Variants in SLC5A5 observed in about 807,000 individuals in gnomAD.
SLC5A5 encodes the protein solute carrier family 5 member 5, also known as sodium/iodide cotransporter.
SLC5A5 carries 56 observed loss-of-function variants against 68.6 expected under a neutral mutation model. The observed-to-expected ratio is 0.82, with a 90% CI of 0.66 to 1.02. The LOEUF (loss-of-function observed/expected upper bound fraction) is 1.02, where lower values mean the gene tolerates loss of function less well. SLC5A5 is among the 50% of genes least tolerant of loss of function. The pLI, the probability that SLC5A5 is intolerant of heterozygous loss-of-function variation, is 0.00. For missense variants in SLC5A5, 807 were observed against 859.8 expected, an observed-to-expected ratio of 0.94 and a Z score of 0.77; for synonymous variants, 398 against 373.0, an observed-to-expected ratio of 1.07 and a Z score of -0.77.
In SLC5A5 at chr19:17,874,645, G is replaced by A. The variant is rs775249401; in HGVS notation, c.476-19G>A. 1,316 of 1,614,116 alleles carry A rather than the reference G, an allele frequency of 8.2e-4. 7 individuals carry two copies. In the African/African-American group the frequency reaches 0.014, roughly 17 times the overall value. On this transcript the variant is annotated intron_variant, in intron 3 of 14. Coordinates refer to ENST00000222248, the MANE Select transcript of SLC5A5 (RefSeq NM_000453.3). ...GCGCCCCGCCCAGGGGCCTAACAGG[G>A]GGACCTCTTTTTGCATAGTGACCGG...
In SLC5A5 at chr19:17,884,049, G is replaced by A. The variant is rs1379592070; in HGVS notation, c.1526+3G>A. The A allele has an allele frequency of 1.9e-6, 3 of 1,557,632 alleles. No individual in the cohort carries two copies. The highest frequency in any genetic ancestry group is 1.3e-5 in the African/African-American group (1 of 74,080). ...AACGACTCCAGCAGGGCCCCCAGGT[G>A]AGCAGACTTGAGGGTAGGGGGGTAC... On this transcript the variant is annotated splice_donor_region_variant and intron_variant, in intron 12 of 14. Transcript: ENST00000222248.
At chr19:17,883,157 C>T (rs888427326) in intron 10 of SLC5A5, among the ~76,000 whole-genome samples, 1 of 152,036 alleles carries the variant, frequency 6.6e-6, no homozygotes, top group Non-Finnish European at 1.5e-5. Context: ...GACAGGGTCT[C>T]GCTTCGTGCC....
chr19:17,880,427 C>G (rs887833902), intron 7 of SLC5A5, among the ~76,000 whole-genome samples: 2 of 152,150 alleles, frequency 1.3e-5, no homozygotes, highest in Non-Finnish European at 1.5e-5. Context: ...GTTGGCCAGG[C>G]TGGTCTTGAA....
chr19:17,884,345 T>C (rs1477487055), intron 12 of SLC5A5, among the ~76,000 whole-genome samples: 1 of 152,114 alleles, frequency 6.6e-6, no homozygotes, highest in Non-Finnish European at 1.5e-5. Context: ...TGGTCCAGGC[T>C]GGAATGCAGG....
chr19:17,876,723 A>G (rs1191541826), intron 5 of SLC5A5, among the ~76,000 whole-genome samples: 1 of 152,100 alleles, frequency 6.6e-6, no homozygotes, highest in African/African-American at 2.4e-5. Flanking sequence ...TTAGCTGGGC[A>G]TGCTGGCAGG....
rs2094326539 is a variant in SLC5A5, at chr19:17,883,766, C to T, written c.1328C>T (p.Pro443Leu). The change falls in exon 11 of 15, where the codon CCG becomes CTG. Residue 443 changes from proline to leucine, a missense_variant and splice_region_variant. By Grantham distance (98) the Pro-to-Leu change is moderately conservative (BLOSUM62 -3). Transcript: ENST00000222248. ...LGMFLPACNT[P>L]GVLAGLGAGL... ...ATGTTCCTGCCGGCCTGCAACACAC[C>T]GGTGAGTGGGGGCGGGGCAAGGGGC... The T allele has an allele frequency of 2.4e-6, 2 of 839,522 alleles. No individual in the cohort carries two copies. The highest frequency in any genetic ancestry group is 1.8e-5 in the African/African-American group (1 of 55,266). The allele number at this position is 839,522 out of a possible 1,614,324, so 52.0% of individuals were successfully genotyped here. A position where few individuals can be genotyped will look rare whatever the true frequency, so the allele number is the denominator to read the frequency against.
intron 14 of SLC5A5, among the ~76,000 whole-genome samples, chr19:17,892,243 A>T (rs995144256): frequency 1.3e-5 from 2 of 149,878 alleles, no homozygotes; most frequent in Admixed American, 6.7e-5. Context: ...GGTTGTAGTG[A>T]GCTGAGATCG....
At chr19:17,874,758 T>C (rs1294901599) in intron 4 of SLC5A5, 27 bp downstream of exon 4, 2 of 1,609,608 alleles carry the variant, frequency 1.2e-6, no homozygotes, top group Middle Eastern at 1.7e-4. Flanking sequence ...ACTCACTCCA[T>C]ACGGGGGATC....
intron 1 of SLC5A5, among the ~76,000 whole-genome samples, chr19:17,873,356 G>A (rs943418542): frequency 1.1e-4 from 16 of 152,220 alleles, no homozygotes; most frequent in African/African-American, 3.9e-4. Flanking sequence ...AGCTACTTGG[G>A]AGGCTAAGAC....
chr19:17,886,456 T>C (rs1170983490), intron 12 of SLC5A5, among the ~76,000 whole-genome samples: 1 of 152,030 alleles, frequency 6.6e-6, no homozygotes, highest in Non-Finnish European at 1.5e-5. Context: ...TACAGGCATA[T>C]GCCACCACGC....
chr19:17,879,534 G>A (rs184154166), intron 7 of SLC5A5, among the ~76,000 whole-genome samples: 14 of 152,198 alleles, frequency 9.2e-5, no homozygotes, highest in Admixed American at 3.9e-4. Context: ...ATTGAGGCTC[G>A]GGGGGAAGTC....
intron 10 of SLC5A5, among the ~76,000 whole-genome samples, chr19:17,882,501 A>G (rs1241214692): frequency 1.3e-5 from 2 of 149,260 alleles, no homozygotes; most frequent in African/African-American, 4.9e-5. Context: ...ATGCCTGGCT[A>G]ATTTTTTTCT....
intron 13 of SLC5A5, among the ~76,000 whole-genome samples, chr19:17,888,969 A>AGT (rs35537433): frequency 0.23 from 34,058 of 151,196 alleles, 4,076 homozygotes; most frequent in Middle Eastern, 0.25. Context: ...GGAAAAAAGA[A>AGT]GTGTGTGTGT....
intron 7 of SLC5A5, 116 bp downstream of exon 7, chr19:17,878,209 A>C: frequency 2.3e-6 from 3 of 1,299,716 alleles, no homozygotes; most frequent in Non-Finnish European, 3.3e-6. Flanking sequence ...AAGAAGTAGG[A>C]AAGAGCTGAG....
chr19:17,877,986 G>A lies in SLC5A5; in HGVS notation c.862G>A (p.Gly288Ser), dbSNP rs142014480. 3.0e-4 allele frequency: 483 copies of A among 1,613,444 alleles called. 3 individuals are homozygous for A. The highest frequency in any genetic ancestry group is 2.9e-3 in the Admixed American group (176 of 59,998). ...AKLALLINQV[G>S]LFLIVSSAAC... The stretch of plus-strand genomic sequence containing the variant: ...CAGGGCCCTGCTCATCAACCAGGTC[G>A]GCCTGTTCCTGATCGTGTCCAGCGC... Residue 288 changes from glycine to serine, a missense_variant, in exon 7 of 15, where the codon GGC becomes AGC. By Grantham distance (56) the Gly-to-Ser change is moderately conservative (BLOSUM62 0). Transcript: ENST00000222248.
Position 17,875,973 on chromosome 19 carries a change from T to C in SLC5A5, c.565T>C (p.Trp189Arg), listed in dbSNP as rs201655832. ...GCAGGGCGGCATGAAGGCTGTGGTC[T>C]GGACTGATGTGTTCCAGGTCGTGGT... Reference protein sequence around the residue: ...TAVGGMKAVVWTDVFQVVVML... With the variant: ...TAVGGMKAVVRTDVFQVVVML... The change falls in exon 5 of 15, where the codon TGG becomes CGG. Residue 189 changes from tryptophan (W) to arginine (R), a missense_variant. Coordinates refer to ENST00000222248, the MANE Select transcript of SLC5A5 (RefSeq NM_000453.3). The C allele has an allele frequency of 6.2e-7, 1 of 1,614,060 alleles. No homozygotes were observed. Among genetic ancestry groups the C allele is most frequent in the African/African-American group, 1.3e-5 (1 of 74,922 alleles).
At chr19:17,892,987 C>G (rs1396629456) in intron 14 of SLC5A5, among the ~76,000 whole-genome samples, 1 of 144,800 alleles carries the variant, frequency 6.9e-6, no homozygotes, top group African/African-American at 2.5e-5. Flanking sequence ...CTTTTCTTTT[C>G]CTTTCTCTTC....
chr19:17,873,170 C>A (rs2094298518), intron 1 of SLC5A5, among the ~76,000 whole-genome samples: 1 of 152,186 alleles, frequency 6.6e-6, no homozygotes, highest in Admixed American at 6.5e-5. Context: ...CGATTAAAAT[C>A]GTGACCGGGG....
chr19:17,877,913 C>A (rs745885464), intron 6 of SLC5A5, 50 bp downstream of exon 6: 2 of 1,613,852 alleles, frequency 1.2e-6, no homozygotes, highest in Admixed American at 1.7e-5. Context: ...TGCTGCCCCC[C>A]TCCACCAGCC....
Sources: allele counts gnomAD v4.1 joint callset (sites outside exome capture counted in the v4.1 genomes callset), GRCh38; gene constraint gnomAD v4.1.1; transcripts MANE v1.5; gene names NCBI Gene and HGNC (gene_info 2026-07-23, HGNC 2026-07-21).